The following MPO variants were observed in gnomAD, a reference collection of about 807,000 sequenced individuals.
MPO encodes the protein myeloperoxidase.
A neutral mutation model predicts 69.4 loss-of-function variants in MPO; 57 were observed. The observed-to-expected ratio is 0.82, with a 90% CI of 0.66 to 1.02. The LOEUF is 1.02. Ranked by LOEUF, MPO falls within the 50% of genes least tolerant of loss-of-function variation. MPO has a pLI of 0.00. For synonymous variants in MPO, 426 were observed against 417.1 expected, an observed-to-expected ratio of 1.02 and a Z score of -0.26; for missense variants, 971 against 1,014.1, an observed-to-expected ratio of 0.96 and a Z score of 0.58.
chr17:58,272,230 T>C (rs1056505467), intron 10 of MPO, among the ~76,000 whole-genome samples: 1 of 152,210 alleles, frequency 6.6e-6, no homozygotes, highest in Non-Finnish European at 1.5e-5. Context: ...TGTGTCTGTC[T>C]CTGACCCATG....
chr17:58,277,768 C>T (rs1970455927), intron 7 of MPO, 59 bp downstream of exon 7: 3 of 1,596,210 alleles, frequency 1.9e-6, no homozygotes, highest in South Asian at 2.2e-5. Context: ...AACAGACTCA[C>T]TGTGGCTCCA....
In MPO at chr17:58,270,959, AC is replaced by A; in HGVS notation, c.2031-97del. On this transcript the variant is annotated intron_variant, in intron 11 of 11. Coordinates refer to ENST00000225275, the MANE Select transcript of MPO (RefSeq NM_000250.2). The surrounding 1 kb of genome is among the most constrained non-coding windows in gnomAD (Gnocchi z 4.1). ...GCTGCTCCCAGGATATAACAAAGCC[AC>A]AACAAATGCCACCTGGAAGCACAGG... is the stretch of plus-strand genomic sequence containing the variant. The A allele has an allele frequency of 7.2e-7, 1 of 1,392,666 alleles. No individual in the cohort carries two copies. The allele number at this position is 1,392,666 out of a possible 1,614,324, so 86.3% of individuals were successfully genotyped here. A position where few individuals can be genotyped will look rare whatever the true frequency, so the allele number is the denominator to read the frequency against.
intron 2 of MPO, 77 bp from the exon 3 acceptor site, chr17:58,280,091 C>T: frequency 6.4e-7 from 1 of 1,561,852 alleles, no homozygotes; most frequent in Non-Finnish European, 8.7e-7. Flanking sequence ...CAGGGGCAGA[C>T]ATGCAGGACC....
rs143233283 is a variant in MPO, at chr17:58,277,953, G to A, written c.1078C>T (p.Leu360=). The change falls in exon 7 of 12, where the codon CTG becomes TTG. Residue 360 remains leucine (L), a synonymous_variant. Transcript: ENST00000225275. Reference sequence around the variant, plus strand: ...CGCTGGTTGACGGCCAGCAGCCCCAGCTGGTTGGACATGTTGCGCAGGTTC... The same window carrying A: ...CGCTGGTTGACGGCCAGCAGCCCCAACTGGTTGGACATGTTGCGCAGGTTC... ...ARNLRNMSNQ[L]GLLAVNQRFQ... The A allele has an allele frequency of 1.2e-6, 2 of 1,613,382 alleles. No individual in the cohort carries two copies. The highest frequency in any genetic ancestry group is 1.7e-6 in the Non-Finnish European group (2 of 1,180,038).
rs765248635 is a variant in MPO at position 58,273,705 on chromosome 17, ACTCCT to A, written c.1366-41_1366-37del. ...GTCATTTGGAATGGCCTCTCCACCC[ACTCCT>A]CCACAGCAAATGCCGCCTGGCAGCA... On this transcript the variant is annotated intron_variant, in intron 8 of 11. Transcript: ENST00000225275. The A allele has an allele frequency of 8.1e-6, 13 of 1,613,598 alleles. No homozygotes were observed. In the Admixed American group the frequency reaches 2.2e-4, roughly 27 times the overall value.
chr17:58,271,664 TC>T lies in MPO; in HGVS notation c.2020del (p.Asp674MetfsTer63). 2 of 1,613,816 alleles carry T rather than the reference TC, an allele frequency of 1.2e-6. No homozygotes were observed. Among genetic ancestry groups the T allele is most frequent in the Non-Finnish European group, 1.7e-6 (2 of 1,180,018 alleles). ...IIGTQFRKLR[D>X]GDRFWWENEG... ...GCCTGCCCCTCCTCACCGATCACCA[TC>T]CCGGAGCTTCCTGAACTGGGTACCG... On this transcript the variant is annotated frameshift_variant, in exon 11 of 12. Transcript: ENST00000225275. LOFTEE classifies it high-confidence loss of function.
At chr17:58,273,746 A>C (rs775045297) in intron 8 of MPO, 77 bp from the exon 9 acceptor site, 41 of 1,606,108 alleles carry the variant, frequency 2.6e-5, no homozygotes, top group Non-Finnish European at 3.4e-5. Context: ...CAGGAGGGCC[A>C]GAGTCTCTGC....
rs758874340 is a variant in MPO, at chr17:58,271,802, C to T, written c.1883G>A (p.Arg628Lys). The change falls in exon 11 of 12, where the codon AGG (arginine) becomes AAG (lysine). Residue 628 changes from arginine to lysine, a missense_variant. Physicochemically the swap from Arg to Lys is conservative, Grantham distance 26. Coordinates refer to ENST00000225275, the MANE Select transcript of MPO (RefSeq NM_000250.2). ...CGTGCCATACTGCTCCATCAGTTTCCTCGCCAATTTCAGGTTCCTCAGCAC... is the reference window on the plus strand; with the variant it reads ...CGTGCCATACTGCTCCATCAGTTTCTTCGCCAATTTCAGGTTCCTCAGCAC... Reference protein sequence around the residue: ...GTVLRNLKLARKLMEQYGTPN... With the variant: ...GTVLRNLKLAKKLMEQYGTPN... 6 of 1,614,200 alleles carry T rather than the reference C, an allele frequency of 3.7e-6. No individual in the cohort carries two copies. Among genetic ancestry groups the T allele is most frequent in the Non-Finnish European group, 5.1e-6 (6 of 1,180,036 alleles).
chr17:58,278,346 G>A (rs1174838760), intron 6 of MPO, among the ~76,000 whole-genome samples: 1 of 152,144 alleles, frequency 6.6e-6, no homozygotes, highest in Non-Finnish European at 1.5e-5. Context: ...CACTGAACTG[G>A]GAACCTGGGC....
chr17:58,274,640 C>T (rs1477684221), intron 8 of MPO, among the ~76,000 whole-genome samples: 2 of 151,536 alleles, frequency 1.3e-5, no homozygotes, highest in South Asian at 2.1e-4. Context: ...GGTAACGTGG[C>T]GAAACCCCGT....
chr17:58,272,948 A>T (rs761032711), intron 9 of MPO, 30 bp from the exon 10 acceptor site: 4 of 1,613,114 alleles, frequency 2.5e-6, no homozygotes, highest in Non-Finnish European at 3.4e-6. Flanking sequence ...GGTCAGGGGA[A>T]GTATCTGGCT....
At chr17:58,278,257 G>GAT in intron 6 of MPO, 112 bp from the exon 7 acceptor site, 1 of 1,230,258 alleles carries the variant, frequency 8.1e-7, no homozygotes, top group Non-Finnish European at 1.1e-6. Flanking sequence ...CTGCAGAGAG[G>GAT]CCTCCGGAGG....
At chr17:58,277,720 GAC>G in intron 7 of MPO, 105 bp downstream of exon 7, 1 of 1,472,320 alleles carries the variant, frequency 6.8e-7, no homozygotes, top group Non-Finnish European at 9.3e-7. Flanking sequence ...GGCTGGTGAG[GAC>G]AGTCTCTCTA....
Position 58,275,851 on chromosome 17 carries a change from C to A in MPO, c.1205-149G>T. The stretch of plus-strand genomic sequence containing the variant: ...CTTTTCAAACTATCCCCAATTTACA[C>A]TCCTCTAGGAGGCCTTCCCTGATGC... On this transcript the variant is annotated intron_variant, in intron 7 of 11. Coordinates refer to ENST00000225275, the MANE Select transcript of MPO (RefSeq NM_000250.2). This position sits in a 1 kb window ranked among gnomAD's most constrained non-coding sequence, Gnocchi z 4.1. 2.0e-6 allele frequency: 2 copies of A among 996,572 alleles called. No individual in the cohort carries two copies. The highest frequency in any genetic ancestry group is 3.0e-6 in the Non-Finnish European group (2 of 658,536). The allele number at this position is 996,572 out of a possible 1,614,324, so 61.7% of individuals were successfully genotyped here. A position where few individuals can be genotyped will look rare whatever the true frequency, so the allele number is the denominator to read the frequency against.
Position 58,270,035 on chromosome 17 carries a change from C to T in MPO, c.*621G>A, listed in dbSNP as rs1470415564. ...CTGGCTGGCTGGGCCCATAAGTCAA[C>T]CACACAGCCCAGCTGCAGCTGGCTT... is the stretch of plus-strand genomic sequence containing the variant. On this transcript the variant is annotated 3_prime_UTR_variant, in exon 12 of 12. Transcript: ENST00000225275. The surrounding 1 kb of genome is among the most constrained non-coding windows in gnomAD (Gnocchi z 4.1). 1.3e-5 allele frequency: 2 copies of T among 155,016 alleles called. No individual in the cohort carries two copies. Among genetic ancestry groups the T allele is most frequent in the African/African-American group, 4.8e-5 (2 of 41,470 alleles). 9.6% of individuals were successfully genotyped at this position (155,016 alleles called of 1,614,324 possible). A position where few individuals can be genotyped will look rare whatever the true frequency, so the allele number is the denominator to read the frequency against.
At position 58,270,569 on chromosome 17, in the gene MPO, TG is replaced by T. The variant is rs1970353052; in HGVS notation, c.*86del. The T allele has an allele frequency of 9.3e-7, 1 of 1,079,494 alleles. No homozygotes were observed. The highest frequency in any genetic ancestry group is 1.4e-5 in the South Asian group (1 of 74,046). The allele number at this position is 1,079,494 out of a possible 1,614,324, so 66.9% of individuals were successfully genotyped here. Reference sequence around the variant, plus strand: ...TTCTCAGCTGCACCCAGAACAGGGCTGGGCTCATCTAGGGCAAGGAGATCTC... The same window carrying T: ...TTCTCAGCTGCACCCAGAACAGGGCTGGCTCATCTAGGGCAAGGAGATCTC... On this transcript the variant is annotated 3_prime_UTR_variant, in exon 12 of 12. Coordinates refer to ENST00000225275, the MANE Select transcript of MPO (RefSeq NM_000250.2). This position sits in a 1 kb window ranked among gnomAD's most constrained non-coding sequence, Gnocchi z 4.1.
In MPO at chr17:58,270,989, G is replaced by A; in HGVS notation, c.2031-126C>T. 1 of 1,036,240 alleles carries A rather than the reference G, an allele frequency of 9.7e-7. No homozygotes were observed. Among genetic ancestry groups the A allele is most frequent in the Non-Finnish European group, 1.5e-6 (1 of 684,092 alleles). The allele number at this position is 1,036,240 out of a possible 1,614,324, so 64.2% of individuals were successfully genotyped here. On this transcript the variant is annotated intron_variant, in intron 11 of 11. Coordinates refer to ENST00000225275, the MANE Select transcript of MPO (RefSeq NM_000250.2). This position sits in a 1 kb window ranked among gnomAD's most constrained non-coding sequence, Gnocchi z 4.1. ...AAATGCCACCTGGAAGCACAGGAGG[G>A]CCCCAGGCCCTTGGGCAGCCCAGGG...
Position 58,279,081 on chromosome 17 carries a change from G to C in MPO, c.812C>G (p.Ala271Gly), listed in dbSNP as rs754682394. 2 of 1,613,208 alleles carry C rather than the reference G, an allele frequency of 1.2e-6. No homozygotes were observed. The highest frequency in any genetic ancestry group is 1.7e-6 in the Non-Finnish European group (2 of 1,179,748). The stretch of plus-strand genomic sequence containing the variant: ...GACGCCAGTGACGAAGGAGGCCCGG[G>C]CGGCCGGCTCAGGGGTGAAGTCGAG... ...HDLDFTPEPA[A>G]RASFVTGVNC... is the part of the protein sequence containing the mutation. The change falls in exon 6 of 12, where the codon GCC becomes GGC. Residue 271 changes from alanine (A) to glycine (G), a missense_variant. Physicochemically the swap from Ala to Gly is moderately conservative, Grantham distance 60. Transcript: ENST00000225275.
rs965148398 is a variant in MPO at position 58,280,361 on chromosome 17, C to T, written c.248+5G>A. On this transcript the variant is annotated splice_donor_5th_base_variant and intron_variant, in intron 2 of 11. Transcript: ENST00000225275. ...CCCAGAGCTGGGCAGTGCCTCGTGCCCCACCTTTCCCGCCGCTCCTTGTAG... is the reference window on the plus strand; with the variant it reads ...CCCAGAGCTGGGCAGTGCCTCGTGCTCCACCTTTCCCGCCGCTCCTTGTAG... The T allele has an allele frequency of 1.9e-6, 3 of 1,613,746 alleles. No homozygotes were observed. Among genetic ancestry groups the T allele is most frequent in the Non-Finnish European group, 2.5e-6 (3 of 1,179,786 alleles).
Sources: allele counts gnomAD v4.1 joint callset (sites outside exome capture counted in the v4.1 genomes callset), GRCh38; gene constraint gnomAD v4.1.1; non-coding constraint Gnocchi (gnomAD v3.1); transcripts MANE v1.5; gene names NCBI Gene and HGNC (gene_info 2026-07-23, HGNC 2026-07-21).